Variants in AANAT observed in about 807,000 individuals in gnomAD.
The protein encoded by AANAT is aralkylamine N-acetyltransferase.
A neutral mutation model predicts 15.6 loss-of-function variants in AANAT; 11 were observed. The observed-to-expected ratio is 0.71, with a 90% CI of 0.44 to 1.17. The LOEUF is 1.17. Among genes scored for constraint, AANAT ranks in the 50% most tolerant of loss-of-function variants. The pLI is 0.00. For synonymous variants in AANAT, 139 were observed against 131.5 expected (o/e 1.06, Z -0.39); for missense variants, 286 against 296.3 (o/e 0.97, Z 0.26).
At chr17:76,460,922 T>C (rs2073382117) in intron 2 of AANAT, among the ~76,000 whole-genome samples, 1 of 151,784 alleles carries the variant, frequency 6.6e-6, no homozygotes, top group African/African-American at 2.4e-5. Context: ...CCCAGCAATT[T>C]GGGAGGCTGA....
chr17:76,467,472 A>G (rs957320524), upstream of AANAT: 1 of 890,418 alleles, frequency 1.1e-6, no homozygotes, highest in African/African-American at 1.8e-5. Flanking sequence ...AGGGCACCAG[A>G]GCTGACGTTT....
At chr17:76,456,764 C>A (rs919321921) in intron 1 of AANAT, among the ~76,000 whole-genome samples, 1 of 152,188 alleles carries the variant, frequency 6.6e-6, no homozygotes, top group South Asian at 2.1e-4. Context: ...ATATTATTGA[C>A]CAGGCATTGT....
upstream of AANAT, among the ~76,000 whole-genome samples, chr17:76,464,935 A>C (rs1484109299): frequency 6.6e-6 from 1 of 151,912 alleles, no homozygotes; most frequent in Non-Finnish European, 1.5e-5. Flanking sequence ...GGCTGGGATT[A>C]CAAGCGCCCA....
chr17:76,461,164 T>TAA (rs527608215), intron 2 of AANAT, among the ~76,000 whole-genome samples: 1 of 138,378 alleles, frequency 7.2e-6, no homozygotes, highest in African/African-American at 2.7e-5. Flanking sequence ...GATTCCATCT[T>TAA]AAAAAAAAAA....
Position 76,460,129 on chromosome 17 carries a change from A to ATTTTTTTTTTTTTTTTTTTT in AANAT, c.-456+763_-456+764insTTTTTTTTTTTTTTTTTTTT, listed in dbSNP as rs1567863927. On this transcript the variant is annotated intron_variant, in intron 2 of 6. Transcript: ENST00000250615. Reference sequence around the variant, plus strand: ...CCAGCCTCAGTCACCTACTTCAGGAAATTTTTTTTTTTTTTTTTTTTTTTT... The same window carrying ATTTTTTTTTTTTTTTTTTTT: ...CCAGCCTCAGTCACCTACTTCAGGAATTTTTTTTTTTTTTTTTTTTATTTTTTTTTTTTTTTTTTTTTTTT... 2.4e-5 allele frequency among the ~76,000 whole-genome samples: 2 copies of ATTTTTTTTTTTTTTTTTTTT among 82,888 alleles called. 1 individual carries two copies. 54.4% of individuals were successfully genotyped at this position (82,888 alleles called of 152,430 possible).
chr17:76,469,154 C>T lies in AANAT; in HGVS notation c.164-19C>T, dbSNP rs1460050929. On this transcript the variant is annotated intron_variant, in intron 2 of 3. Coordinates refer to ENST00000392492, the MANE Select transcript of AANAT (RefSeq NM_001088.3). The surrounding 1 kb of genome is among the most constrained non-coding windows in gnomAD (Gnocchi z 5.2). ...AGGCACAGCGACTACCAGTCACCCA[C>T]CTGAGCCTCCTGCCACAGCCTTCAT... 2.5e-6 allele frequency: 4 copies of T among 1,613,574 alleles called. No homozygotes were observed. Among genetic ancestry groups the T allele is most frequent in the African/African-American group, 2.7e-5 (2 of 74,944 alleles).
chr17:76,455,211 G>T (rs1325853827), intron 1 of AANAT, among the ~76,000 whole-genome samples: 3 of 152,174 alleles, frequency 2.0e-5, no homozygotes, highest in African/African-American at 7.2e-5. Context: ...CAACACTTTG[G>T]GATGCCAAGG....
intron 2 of AANAT, among the ~76,000 whole-genome samples, chr17:76,460,527 T>C (rs903332146): frequency 7.2e-5 from 11 of 152,122 alleles, no homozygotes; most frequent in African/African-American, 2.7e-4. Flanking sequence ...CTTGAACTCC[T>C]TGGGCTCAAG....
At chr17:76,461,705 G>C (rs186328153) in intron 2 of AANAT, among the ~76,000 whole-genome samples, 1 of 151,850 alleles carries the variant, frequency 6.6e-6, no homozygotes, top group East Asian at 1.9e-4. Context: ...GTGTCTGAGA[G>C]GTACAGGGAT....
chr17:76,468,701 G>A lies in AANAT; in HGVS notation c.-46G>A, dbSNP rs1181514857. The stretch of plus-strand genomic sequence containing the variant: ...TGGGAGGCCCTCCTTGGCTTAGGAG[G>A]ACACTTCCAAAGCTGGGGCGCCCCA... On this transcript the variant is annotated 5_prime_UTR_variant, in exon 2 of 4. Coordinates refer to ENST00000392492, the MANE Select transcript of AANAT (RefSeq NM_001088.3). 5 of 1,577,344 alleles carry A rather than the reference G, an allele frequency of 3.2e-6. No individual in the cohort carries two copies. Among genetic ancestry groups the A allele is most frequent in the East Asian group, 4.6e-5 (2 of 43,130 alleles).
intron 2 of AANAT, among the ~76,000 whole-genome samples, chr17:76,460,832 G>A (rs1176277378): frequency 1.3e-5 from 2 of 152,136 alleles, no homozygotes; most frequent in Non-Finnish European, 2.9e-5. Flanking sequence ...AAATAAGGCA[G>A]GGTCCCACTC....
chr17:76,463,378 G>A (rs2073407739), upstream of AANAT, among the ~76,000 whole-genome samples: 1 of 141,452 alleles, frequency 7.1e-6, no homozygotes, highest in Admixed American at 7.7e-5. Flanking sequence ...TGCAATCTTG[G>A]CTCACTGCAA....
In AANAT at chr17:76,468,790, G is replaced by A. The variant is rs375172319; in HGVS notation, c.44G>A (p.Arg15His). ...STHPLKPEAP[R>H]LPPGIPESPS... Reference sequence around the variant, plus strand: ...CACCCCCTGAAACCTGAGGCCCCACGTCTGCCACCTGGGATCCCCGAGTCC... The same window carrying A: ...CACCCCCTGAAACCTGAGGCCCCACATCTGCCACCTGGGATCCCCGAGTCC... Residue 15 changes from arginine (R) to histidine (H), a missense_variant, in exon 2 of 4, where the codon CGT becomes CAT. Transcript: ENST00000392492. 65 of 1,613,400 alleles carry A rather than the reference G, an allele frequency of 4.0e-5. No individual in the cohort carries two copies. Among genetic ancestry groups the A allele is most frequent in the Non-Finnish European group, 4.7e-5 (56 of 1,179,896 alleles).
In AANAT at chr17:76,468,729, G is replaced by A. The variant is rs1207672872; in HGVS notation, c.-18G>A. 6 of 1,606,174 alleles carry A rather than the reference G, an allele frequency of 3.7e-6. No individual in the cohort carries two copies. The Admixed American group carries it at 6.8e-5, about 18-fold the overall frequency. ...ACTTCCAAAGCTGGGGCGCCCCAAG[G>A]AGGCACCAGTGGCCAGAATGTCCAC... is the stretch of plus-strand genomic sequence containing the variant. On this transcript the variant is annotated 5_prime_UTR_variant, in exon 2 of 4. Coordinates refer to ENST00000392492, the MANE Select transcript of AANAT (RefSeq NM_001088.3).
rs1212685722 is a variant in AANAT at position 76,469,785 on chromosome 17, C to A, written c.439C>A (p.Leu147Met). 6.3e-7 allele frequency: 1 copy of A among 1,593,736 alleles called. No individual in the cohort carries two copies. Among genetic ancestry groups the A allele is most frequent in the Admixed American group, 1.7e-5 (1 of 57,376 alleles). ...PILLWRYLHH[L>M]GSQPAVRRAA... is the part of the protein sequence containing the mutation. Reference sequence around the variant, plus strand: ...CCTGCTGTGGCGCTACCTGCACCACCTGGGCAGCCAGCCGGCCGTGCGCCG... The same window carrying A: ...CCTGCTGTGGCGCTACCTGCACCACATGGGCAGCCAGCCGGCCGTGCGCCG... The change falls in exon 4 of 4, where the codon CTG becomes ATG. Residue 147 changes from leucine (L) to methionine (M), a missense_variant. Leu to Met is a conservative substitution (Grantham distance 15, BLOSUM62 2). Coordinates refer to ENST00000392492, the MANE Select transcript of AANAT (RefSeq NM_001088.3). This position sits in a 1 kb window ranked among gnomAD's most constrained non-coding sequence, Gnocchi z 5.2.
upstream of AANAT, among the ~76,000 whole-genome samples, chr17:76,467,317 C>T (rs927479722): frequency 2.0e-5 from 3 of 152,158 alleles, no homozygotes; most frequent in Non-Finnish European, 2.9e-5. Flanking sequence ...TTGTCCAAGA[C>T]TCCGAGGGAC....
chr17:76,456,234 G>A (rs953529213), intron 1 of AANAT, among the ~76,000 whole-genome samples: 2 of 150,556 alleles, frequency 1.3e-5, no homozygotes, highest in Non-Finnish European at 3.0e-5. Context: ...AGGAGGCTGA[G>A]GCAGGAGAAT....
chr17:76,460,127 G>GA (rs753072569), intron 2 of AANAT, among the ~76,000 whole-genome samples: 2 of 94,706 alleles, frequency 2.1e-5, no homozygotes, highest in African/African-American at 8.1e-5. Context: ...CCTACTTCAG[G>GA]AAATTTTTTT....
intron 1 of AANAT, among the ~76,000 whole-genome samples, chr17:76,454,987 C>T (rs1401922445): frequency 1.3e-5 from 2 of 151,898 alleles, no homozygotes; most frequent in Admixed American, 6.6e-5. Context: ...ATTAGCCGGG[C>T]GCGGTGGCAG....
Sources: gnomAD v4.1 joint callset for allele counts (sites outside exome capture counted in the v4.1 genomes callset) on GRCh38, gnomAD v4.1.1 for gene constraint, Gnocchi (gnomAD v3.1) non-coding constraint, MANE v1.5 for transcripts, NCBI Gene and HGNC (gene_info 2026-07-23, HGNC 2026-07-21) for gene names.